SETD2: variants seen among roughly 807,000 people sequenced by gnomAD.
SETD2 encodes SET domain containing 2, histone lysine methyltransferase, also known as histone-lysine N-methyltransferase SETD2.
SETD2 carries 31 observed loss-of-function variants against 242.1 expected under a neutral mutation model. The observed-to-expected ratio is 0.13, with a 90% CI of 0.10 to 0.17. The LOEUF (loss-of-function observed/expected upper bound fraction) is 0.17, where lower values mean the gene tolerates loss of function less well. Among genes scored for constraint, SETD2 ranks in the 10% least tolerant of loss-of-function variants. The pLI is 1.00. For synonymous variants in SETD2, 1,006 were observed against 1,066.5 expected, an observed-to-expected ratio of 0.94 and a Z score of 1.11; for missense variants, 2,481 against 3,046.3, an observed-to-expected ratio of 0.81 and a Z score of 4.37.
chr3:47,083,654 G>A (rs2041412744), intron 12 of SETD2, 66 bp downstream of exon 12: 1 of 1,435,820 alleles, frequency 7.0e-7, no homozygotes, highest in African/African-American at 1.4e-5. Flanking sequence ...AGTTAATTTT[G>A]CTTAGGTTTG....
rs58087061 is a variant in SETD2, at chr3:47,025,946, T to C, written c.7351-6106A>G. On this transcript the variant is annotated intron_variant, in intron 18 of 20. Transcript: ENST00000409792. ...AAAGCAATGGCAACAAAAGCCAAAA[T>C]TGACAAATGGGATCTAATTAAACTA... Among the ~76,000 whole-genome samples, 265 of 152,194 alleles carry C rather than the reference T, an allele frequency of 1.7e-3. 2 individuals carry two copies. Among genetic ancestry groups the C allele is most frequent in the African/African-American group, 6.1e-3 (254 of 41,520 alleles).
intron 1 of SETD2, among the ~76,000 whole-genome samples, chr3:47,153,479 G>C (rs964033686): frequency 2.0e-5 from 3 of 152,210 alleles, no homozygotes; most frequent in Admixed American, 1.3e-4. Context: ...CAGGCACAGG[G>C]GTGCCCAGCA....
chr3:47,054,338 C>G (rs2039967924), intron 15 of SETD2, among the ~76,000 whole-genome samples: 1 of 152,146 alleles, frequency 6.6e-6, no homozygotes, highest in Non-Finnish European at 1.5e-5. Flanking sequence ...TAAGAAAAAT[C>G]ATATGACCAG....
chr3:47,162,881 G>T (rs568416451), intron 1 of SETD2, among the ~76,000 whole-genome samples: 2 of 152,338 alleles, frequency 1.3e-5, no homozygotes, highest in South Asian at 4.1e-4. Context: ...AGATACAGCA[G>T]CAGATTCAGA....
chr3:47,154,014 C>T (rs1307946504), intron 1 of SETD2, among the ~76,000 whole-genome samples: 1 of 152,166 alleles, frequency 6.6e-6, no homozygotes, highest in African/African-American at 2.4e-5. Context: ...TGCCCTAAGG[C>T]TCTTTTAAAC....
At chr3:47,049,855 A>ATTAT (rs36187693) in intron 15 of SETD2, among the ~76,000 whole-genome samples, 2 of 126,628 alleles carry the variant, frequency 1.6e-5, no homozygotes, top group South Asian at 2.4e-4. Context: ...TATTATATAT[A>ATTAT]ATATATAAAT....
rs2106675781 is a variant in SETD2, at chr3:47,122,338, C to T, written c.2298G>A (p.Met766Ile). The T allele has an allele frequency of 6.2e-7, 1 of 1,614,166 alleles. No homozygotes were observed. The highest frequency in any genetic ancestry group is 8.5e-7 in the Non-Finnish European group (1 of 1,180,026). The change falls in exon 3 of 21, where the codon ATG becomes ATA. Residue 766 changes from methionine (M) to isoleucine (I), a missense_variant. Transcript: ENST00000409792. ...CTACTGTTTTGGAATAATCCACAGTCATAACTGGCATAGACATGAGTTTAT... is the reference window on the plus strand; with the variant it reads ...CTACTGTTTTGGAATAATCCACAGTTATAACTGGCATAGACATGAGTTTAT... ...HQDKLMSMPV[M>I]TVDYSKTVVK...
intron 18 of SETD2, among the ~76,000 whole-genome samples, chr3:47,024,316 C>A (rs973474386): frequency 1.3e-5 from 2 of 151,788 alleles, no homozygotes; most frequent in South Asian, 2.1e-4. Context: ...ACTAAAAATA[C>A]GAAAAATTAG....
At chr3:47,085,821 G>T (rs995380675) in intron 11 of SETD2, among the ~76,000 whole-genome samples, 1 of 152,116 alleles carries the variant, frequency 6.6e-6, no homozygotes, top group Non-Finnish European at 1.5e-5. Context: ...GCAGAATTCA[G>T]ATCTTTACCA....
chr3:47,097,907 C>T (rs778136309), intron 9 of SETD2, 48 bp downstream of exon 9: 8 of 1,601,278 alleles, frequency 5.0e-6, no homozygotes, highest in South Asian at 2.2e-5. Context: ...AGCCACCTCG[C>T]TTTTTAAATT....
intron 13 of SETD2, among the ~76,000 whole-genome samples, chr3:47,063,318 C>T (rs574408806): frequency 7.2e-5 from 11 of 152,116 alleles, no homozygotes; most frequent in African/African-American, 2.4e-4. Context: ...CTTAAAAAAA[C>T]ATAATACCAG....
chr3:47,046,470 A>C lies in SETD2; in HGVS notation c.7098+17T>G, dbSNP rs1222082059. 1.3e-6 allele frequency: 2 copies of C among 1,580,776 alleles called. No homozygotes were observed. The highest frequency in any genetic ancestry group is 1.7e-6 in the Non-Finnish European group (2 of 1,162,246). ...AGTAGACAGCCAATGAGTTTTAACA[A>C]CTGAAACATTTCTTACTGGCTGCAA... On this transcript the variant is annotated intron_variant, in intron 16 of 20. Transcript: ENST00000409792.
At chr3:47,049,617 C>A (rs758766744) in intron 15 of SETD2, among the ~76,000 whole-genome samples, 1 of 147,756 alleles carries the variant, frequency 6.8e-6, no homozygotes, top group South Asian at 2.1e-4. Flanking sequence ...TGTGATCCGC[C>A]CGCCTCAGCC....
chr3:47,044,133 G>A (rs1034586203), intron 16 of SETD2, among the ~76,000 whole-genome samples: 3 of 151,816 alleles, frequency 2.0e-5, no homozygotes, highest in Non-Finnish European at 4.4e-5. Context: ...ACGAGGTCAG[G>A]AGTTTGAGAC....
intron 1 of SETD2, among the ~76,000 whole-genome samples, chr3:47,147,568 C>T (rs2043886857): frequency 6.6e-6 from 1 of 151,822 alleles, no homozygotes; most frequent in Non-Finnish European, 1.5e-5. Context: ...CCTGCCTCAG[C>T]CTCCCAAAGT....
chr3:47,045,553 C>T (rs1559659639), intron 16 of SETD2, among the ~76,000 whole-genome samples: 3 of 144,518 alleles, frequency 2.1e-5, no homozygotes, highest in Admixed American at 1.4e-4. Flanking sequence ...CAAAAATTAG[C>T]TGGGTGCAGT....
Position 47,090,248 on chromosome 3 carries a change from AAAACAAAC to A in SETD2, c.5143-2009_5143-2002del, listed in dbSNP as rs527358829. On this transcript the variant is annotated intron_variant, in intron 9 of 20. Coordinates refer to ENST00000409792, the MANE Select transcript of SETD2 (RefSeq NM_014159.7). ...AGCGACAGAGTGAGACTCCTTCTCA[AAAACAAAC>A]AAACAAACAAACAAATAAAAGACTG... 1.8e-4 allele frequency among the ~76,000 whole-genome samples: 28 copies of A among 152,088 alleles called. 1 individual carries two copies. In the South Asian group the frequency reaches 3.7e-3, roughly 20 times the overall value.
At chr3:47,036,615 A>G (rs1452781796) in intron 18 of SETD2, among the ~76,000 whole-genome samples, 2 of 152,072 alleles carry the variant, frequency 1.3e-5, no homozygotes, top group Non-Finnish European at 2.9e-5. Context: ...ACAGAATGCA[A>G]AGAGAGGCCG....
At chr3:47,046,775 G>T in intron 15 of SETD2, 154 bp from the exon 16 acceptor site, 3 of 484,966 alleles carry the variant, frequency 6.2e-6, no homozygotes, top group South Asian at 8.8e-5. Flanking sequence ...ACAATTTTTT[G>T]TTTCAAACCC....
Sources: allele counts gnomAD v4.1 joint callset (sites outside exome capture counted in the v4.1 genomes callset), GRCh38; gene constraint gnomAD v4.1.1; transcripts MANE v1.5; gene names NCBI Gene and HGNC (gene_info 2026-07-23, HGNC 2026-07-21).